The following FHIT variants were observed in gnomAD, a reference collection of about 807,000 sequenced individuals.
FHIT encodes bis(5'-adenosyl)-triphosphatase.
Under a neutral mutation model 17.9 loss-of-function variants are expected in FHIT, and 19 were observed. That is an observed-to-expected ratio of 1.06 (90% CI 0.74 to 1.56). FHIT has a LOEUF of 1.56. Among genes scored for constraint, FHIT ranks in the 40% most tolerant of loss-of-function variants. The pLI, the probability that FHIT is intolerant of heterozygous loss-of-function variation, is 0.00. For synonymous variants in FHIT, 81 were observed against 69.7 expected, an observed-to-expected ratio of 1.16 and a Z score of -0.81; for missense variants, 248 against 189.2, an observed-to-expected ratio of 1.31 and a Z score of -1.82.
intron 5 of FHIT, among the ~76,000 whole-genome samples, chr3:60,288,972 A>G (rs6792115): frequency 0.041 from 6,232 of 152,246 alleles, 164 homozygotes; most frequent in Middle Eastern, 0.078. Context: ...TCTTTTGCCT[A>G]TATTCACACT....
At chr3:59,911,276 G>T (rs192674) in intron 8 of FHIT, among the ~76,000 whole-genome samples, 1 of 152,062 alleles carries the variant, frequency 6.6e-6, no homozygotes, top group Non-Finnish European at 1.5e-5. Context: ...AAGTTTTATA[G>T]ACACACACTC....
intron 8 of FHIT, among the ~76,000 whole-genome samples, chr3:59,787,171 A>T (rs1283189683): frequency 1.3e-5 from 2 of 152,200 alleles, no homozygotes; most frequent in Non-Finnish European, 2.9e-5. Flanking sequence ...AAAAACTGAG[A>T]GTCAGAAAGG....
intron 5 of FHIT, among the ~76,000 whole-genome samples, chr3:60,120,145 T>C (rs562003221): frequency 2.0e-5 from 3 of 152,310 alleles, no homozygotes; most frequent in South Asian, 4.1e-4. Context: ...ATTTCTCCCA[T>C]CTCAGCATTC....
At chr3:59,849,125 C>A (rs532699834) in intron 8 of FHIT, among the ~76,000 whole-genome samples, 62 of 152,286 alleles carry the variant, frequency 4.1e-4, no homozygotes, top group Non-Finnish European at 5.3e-4. Flanking sequence ...AATCTCAGCA[C>A]TTTGGGAGGC....
chr3:60,337,373 G>A (rs1205442376), intron 5 of FHIT, among the ~76,000 whole-genome samples: 1 of 152,090 alleles, frequency 6.6e-6, no homozygotes, highest in African/African-American at 2.4e-5. Context: ...TTCTAGCTAT[G>A]TAAGCATGTG....
chr3:61,157,227 C>T (rs139370494), intron 2 of FHIT, among the ~76,000 whole-genome samples: 14 of 151,978 alleles, frequency 9.2e-5, no homozygotes, highest in African/African-American at 1.7e-4. Context: ...TTAATGTGTG[C>T]GCAGAAATGG....
At chr3:61,093,920 T>C (rs1576000312) in intron 2 of FHIT, among the ~76,000 whole-genome samples, 1 of 152,326 alleles carries the variant, frequency 6.6e-6, no homozygotes, top group East Asian at 1.9e-4. Context: ...AGTTTGACTC[T>C]GCTACACTGG....
chr3:60,916,472 G>C (rs926816763), intron 3 of FHIT, among the ~76,000 whole-genome samples: 21 of 151,880 alleles, frequency 1.4e-4, no homozygotes, highest in Non-Finnish European at 2.6e-4. Context: ...AAAAGAGTCG[G>C]GGTAAAAATC....
intron 4 of FHIT, among the ~76,000 whole-genome samples, chr3:60,799,528 T>C (rs1159535832): frequency 2.6e-5 from 4 of 152,212 alleles, no homozygotes; most frequent in African/African-American, 7.2e-5. Flanking sequence ...CTTCCCTATC[T>C]TCCAACTTTA....
At chr3:60,483,080 A>T (rs1298584619) in intron 5 of FHIT, among the ~76,000 whole-genome samples, 1 of 152,196 alleles carries the variant, frequency 6.6e-6, no homozygotes, top group Non-Finnish European at 1.5e-5. Flanking sequence ...AAAATCTAGA[A>T]GAAATGGATA....
chr3:60,757,880 T>C (rs2108046436), intron 4 of FHIT, among the ~76,000 whole-genome samples: 1 of 152,308 alleles, frequency 6.6e-6, no homozygotes, highest in East Asian at 1.9e-4. Context: ...GTCTAGAGTT[T>C]GGAAGATAGC....
intron 5 of FHIT, among the ~76,000 whole-genome samples, chr3:60,135,904 C>G (rs1347791569): frequency 6.6e-6 from 1 of 152,110 alleles, no homozygotes. Context: ...CTAAATCCAC[C>G]TAAACTGTCC....
At chr3:59,802,591 C>T (rs1169073753) in intron 8 of FHIT, among the ~76,000 whole-genome samples, 1 of 152,120 alleles carries the variant, frequency 6.6e-6, no homozygotes, top group Non-Finnish European at 1.5e-5. Context: ...TTTCCATTAC[C>T]CACCCAAATC....
At chr3:60,130,593 C>A (rs1302233009) in intron 5 of FHIT, among the ~76,000 whole-genome samples, 1 of 151,964 alleles carries the variant, frequency 6.6e-6, no homozygotes, top group Non-Finnish European at 1.5e-5. Context: ...AAAATGAAAA[C>A]ACTGGGCATG....
chr3:60,543,914 T>TTTTTTTTTTTTTTTTTTTTTTTTTTTTG, intron 4 of FHIT, among the ~76,000 whole-genome samples: 1 of 99,182 alleles, frequency 1.0e-5, no homozygotes, highest in Non-Finnish European at 2.3e-5. Flanking sequence ...CGGCTTTTTT[T>TTTTTTTTTTTTTTTTTTTTTTTTTTTTG]TTTTTTTTTT....
intron 8 of FHIT, among the ~76,000 whole-genome samples, chr3:59,841,512 A>G (rs1448798696): frequency 3.3e-5 from 5 of 152,150 alleles, no homozygotes; most frequent in Non-Finnish European, 5.9e-5. Context: ...CAGATAGGCA[A>G]TAATGAACCC....
chr3:60,052,461 C>G (rs998146912), intron 5 of FHIT, among the ~76,000 whole-genome samples: 9 of 152,148 alleles, frequency 5.9e-5, no homozygotes, highest in African/African-American at 2.2e-4. Context: ...GCTCTTTGGT[C>G]AAACTCTGTT....
At chr3:60,263,907 G>T (rs1204688788) in intron 5 of FHIT, among the ~76,000 whole-genome samples, 1 of 151,578 alleles carries the variant, frequency 6.6e-6, no homozygotes, top group Non-Finnish European at 1.5e-5. Context: ...CTGGTCTGGA[G>T]AAAGTGAGTG....
intron 5 of FHIT, among the ~76,000 whole-genome samples, chr3:60,074,516 A>G (rs1014728082): frequency 6.6e-6 from 1 of 152,048 alleles, no homozygotes; most frequent in African/African-American, 2.4e-5. Context: ...TCATTCATTC[A>G]TTCAGCAAAT....
Sources: gnomAD v4.1 joint callset for allele counts (sites outside exome capture counted in the v4.1 genomes callset) on GRCh38, gnomAD v4.1.1 for gene constraint, MANE v1.5 for transcripts, NCBI Gene and HGNC (gene_info 2026-07-23, HGNC 2026-07-21) for gene names.